The following RDH13 variants were observed in gnomAD, a reference collection of about 807,000 sequenced individuals.
The protein encoded by RDH13 is retinol dehydrogenase 13 (all-trans and 9-cis).
A neutral mutation model predicts 28.3 loss-of-function variants in RDH13; 35 were observed. That is an observed-to-expected ratio of 1.24 (90% confidence interval 0.95 to 1.64). RDH13 has a LOEUF of 1.64. Ranked by LOEUF, RDH13 falls within the 40% of genes most tolerant of loss-of-function variation. The pLI, the probability that RDH13 is intolerant of heterozygous loss-of-function variation, is 0.00. For missense variants in RDH13, 514 were observed against 446.3 expected, an observed-to-expected ratio of 1.15 and a Z score of -1.37; for synonymous variants, 229 against 198.5, an observed-to-expected ratio of 1.15 and a Z score of -1.29.
intron 6 of RDH13, 135 bp downstream of exon 6, chr19:55,047,252 G>C: frequency 6.9e-7 from 1 of 1,453,830 alleles, no homozygotes; most frequent in Non-Finnish European, 9.1e-7. Flanking sequence ...CCTGTGCTCT[G>C]TGCCTCAGAA....
Position 55,048,771 on chromosome 19 carries a change from A to G in RDH13, c.341-8T>C, listed in dbSNP as rs1602720291. On this transcript the variant is annotated splice_polypyrimidine_tract_variant and splice_region_variant and intron_variant, in intron 3 of 6. Coordinates refer to ENST00000415061, the MANE Select transcript of RDH13 (RefSeq NM_001145971.2). The stretch of plus-strand genomic sequence containing the variant: ...TGTCCACTCGCTCCTCCTCTGGAAG[A>G]GAGGGGTGGAGGAGGAGACATCCCG... The G allele has an allele frequency of 3.1e-6, 5 of 1,611,800 alleles. No individual in the cohort carries two copies. The African/African-American group carries it at 4.0e-5, about 13-fold the overall frequency.
At chr19:55,055,520 A>G (rs2075602355) in intron 3 of RDH13, among the ~76,000 whole-genome samples, 1 of 151,654 alleles carries the variant, frequency 6.6e-6, no homozygotes, top group South Asian at 2.1e-4. Flanking sequence ...TTCTTTAACC[A>G]TGGTGGGGAA....
Position 55,063,096 on chromosome 19 carries a change from C to T in RDH13, c.-64G>A. 1 of 1,249,346 alleles carries T rather than the reference C, an allele frequency of 8.0e-7. No homozygotes were observed. The allele number at this position is 1,249,346 out of a possible 1,614,324, so 77.4% of individuals were successfully genotyped here. A position where few individuals can be genotyped will look rare whatever the true frequency, so the allele number is the denominator to read the frequency against. ...GCGGAGCTTGCTGCACACCAGCCGC[C>T]TGGGTAGCTCCGAGGAAGAGCGCGC... On this transcript the variant is annotated 5_prime_UTR_variant, in exon 1 of 7. Transcript: ENST00000415061.
intron 6 of RDH13, among the ~76,000 whole-genome samples, chr19:55,046,056 T>G (rs1381834583): frequency 3.3e-5 from 5 of 151,034 alleles, no homozygotes; most frequent in African/African-American, 1.2e-4. Flanking sequence ...AAGACCAGCC[T>G]GGCCAACGTG....
At chr19:55,058,388 CAAA>C (rs796076630) in intron 2 of RDH13, among the ~76,000 whole-genome samples, 1 of 130,970 alleles carries the variant, frequency 7.6e-6, no homozygotes, top group African/African-American at 2.8e-5. Flanking sequence ...AACTCCATCT[CAAA>C]AAAAAAAAAA....
At chr19:55,043,734 T>C (rs1471116893), downstream of RDH13, among the ~76,000 whole-genome samples, 2 of 152,034 alleles carry the variant, frequency 1.3e-5, no homozygotes, top group Admixed American at 6.6e-5. Flanking sequence ...TATGAAAACA[T>C]GTTTTCTATC....
rs1555831241 is a variant in RDH13 at position 55,063,063 on chromosome 19, G to GC, written c.-32_-31insG. ...GCCGGGGACAGGCGTCAGGCGTCAG[G>GC]GGTCGGCGCGGAGCTTGCTGCACAC... On this transcript the variant is annotated 5_prime_UTR_variant, in exon 1 of 7. Coordinates refer to ENST00000415061, the MANE Select transcript of RDH13 (RefSeq NM_001145971.2). 0.12 allele frequency: 160,993 copies of GC among 1,334,666 alleles called. 10,584 individuals carry two copies. The highest frequency in any genetic ancestry group is 0.13 in the Non-Finnish European group (137,345 of 1,040,758). The allele number at this position is 1,334,666 out of a possible 1,614,324, so 82.7% of individuals were successfully genotyped here. A position where few individuals can be genotyped will look rare whatever the true frequency, so the allele number is the denominator to read the frequency against.
downstream of RDH13, chr19:55,043,388 A>G (rs147994397): frequency 1.3e-5 from 2 of 151,814 alleles, no homozygotes; most frequent in African/African-American, 4.8e-5. Flanking sequence ...CCTCGTCTCT[A>G]AAAAAGCAAA....
chr19:55,042,841 C>A (rs1341771404), downstream of RDH13: 1 of 152,330 alleles, frequency 6.6e-6, no homozygotes, highest in African/African-American at 2.4e-5. Flanking sequence ...GGGCCGCTCA[C>A]CATGGCAGCC....
In RDH13 at chr19:55,044,550, C is replaced by G. The variant is rs1268204295; in HGVS notation, c.*524G>C. ...CCTCAGCAAACACCCCCGGCACAGC[C>G]ATGCCATAGCCAGACAACAGCTCGC... On this transcript the variant is annotated 3_prime_UTR_variant, in exon 7 of 7. Coordinates refer to ENST00000415061, the MANE Select transcript of RDH13 (RefSeq NM_001145971.2). The G allele has an allele frequency of 6.5e-6, 1 of 153,102 alleles. No individual in the cohort carries two copies. Among genetic ancestry groups the G allele is most frequent in the Non-Finnish European group, 1.5e-5 (1 of 68,720 alleles). 9.5% of individuals were successfully genotyped at this position (153,102 alleles called of 1,614,324 possible).
intron 3 of RDH13, among the ~76,000 whole-genome samples, chr19:55,052,986 A>G (rs2040358301): frequency 6.6e-6 from 1 of 151,680 alleles, no homozygotes; most frequent in African/African-American, 2.4e-5. Flanking sequence ...TTTTGTAGAG[A>G]TGAGGTCTTG....
In RDH13 at chr19:55,047,596, C is replaced by T; in HGVS notation, c.659-108G>A. ...CTTCCGGGCACCAGGCTGCTTCCTG[C>T]ACTCAAACCCCATCGTCCCTCTTGC... On this transcript the variant is annotated intron_variant, in intron 5 of 6. Transcript: ENST00000415061. 4 of 1,460,756 alleles carry T rather than the reference C, an allele frequency of 2.7e-6. No homozygotes were observed. In the South Asian group the frequency reaches 4.1e-5, roughly 15 times the overall value. 90.5% of individuals were successfully genotyped at this position (1,460,756 alleles called of 1,614,324 possible). A position where few individuals can be genotyped will look rare whatever the true frequency, so the allele number is the denominator to read the frequency against.
chr19:55,041,164 T>TG (rs2075018680), downstream of RDH13: 1 of 152,210 alleles, frequency 6.6e-6, no homozygotes, highest in Non-Finnish European at 1.5e-5. Flanking sequence ...TTTGTAGAGT[T>TG]GGGGTTTCAC....
upstream of RDH13, among the ~76,000 whole-genome samples, chr19:55,064,907 C>A (rs2075931309): frequency 6.9e-6 from 1 of 144,822 alleles, no homozygotes. Flanking sequence ...GCCACCGCAC[C>A]CGGCCGGGAA....
At chr19:55,053,333 T>TA (rs147950783) in intron 3 of RDH13, among the ~76,000 whole-genome samples, 10,905 of 152,004 alleles carry the variant, frequency 0.072, 512 homozygotes, top group Non-Finnish European at 0.1. Flanking sequence ...CTTGATTTGC[T>TA]AAAAAAGTCA....
intron 6 of RDH13, chr19:55,046,565 T>C (rs2075242112): frequency 6.6e-6 from 1 of 151,940 alleles, no homozygotes; most frequent in Non-Finnish European, 1.5e-5. Flanking sequence ...CTCGCCAAGT[T>C]AAGATTCTTG....
At chr19:55,054,399 G>C (rs1201070871) in intron 3 of RDH13, among the ~76,000 whole-genome samples, 1 of 152,122 alleles carries the variant, frequency 6.6e-6, no homozygotes, top group African/African-American at 2.4e-5. Flanking sequence ...TTCGAGACCA[G>C]CCTGGCCAAC....
At chr19:55,069,056 G>A (rs533463184) in intron 1 of RDH13, among the ~76,000 whole-genome samples, 1 of 148,204 alleles carries the variant, frequency 6.7e-6, no homozygotes, top group Admixed American at 6.8e-5. Flanking sequence ...GTCTGTCTGG[G>A]GTCCTATCCC....
intron 1 of RDH13, among the ~76,000 whole-genome samples, chr19:55,060,887 T>C (rs889612306): frequency 6.6e-6 from 1 of 151,994 alleles, no homozygotes; most frequent in Non-Finnish European, 1.5e-5. Context: ...GCTGTACGCA[T>C]TACCACAGAC....
Sources: gnomAD v4.1 joint callset for allele counts (sites outside exome capture counted in the v4.1 genomes callset) on GRCh38, gnomAD v4.1.1 for gene constraint, MANE v1.5 for transcripts, NCBI Gene and HGNC (gene_info 2026-07-23, HGNC 2026-07-21) for gene names.